NELL1: variants seen among roughly 807,000 people sequenced by gnomAD.
NELL1 encodes the protein neural EGFL like 1.
Under a neutral mutation model 107.4 loss-of-function variants are expected in NELL1, and 76 were observed. That is an observed-to-expected ratio of 0.71 (90% confidence interval 0.59 to 0.86). The LOEUF (loss-of-function observed/expected upper bound fraction) is 0.86, where lower values mean the gene tolerates loss of function less well. Ranked by LOEUF, NELL1 falls within the 40% of genes least tolerant of loss-of-function variation. The pLI is 0.00. For missense variants in NELL1, 1,024 were observed against 1,005.5 expected (o/e 1.02, Z -0.25); for synonymous variants, 353 against 341.2 (o/e 1.03, Z -0.38).
At chr11:21,508,998 A>G (rs538484750) in intron 15 of NELL1, among the ~76,000 whole-genome samples, 9 of 152,298 alleles carry the variant, frequency 5.9e-5, no homozygotes, top group East Asian at 1.9e-4. Flanking sequence ...CAGAAGCTAC[A>G]TGATTGGAGA....
chr11:21,187,987 G>A (rs1013917903), intron 13 of NELL1, among the ~76,000 whole-genome samples: 1 of 151,764 alleles, frequency 6.6e-6, no homozygotes, highest in African/African-American at 2.4e-5. Context: ...CTGTTTCAAA[G>A]GGTGTCTATG....
intron 13 of NELL1, among the ~76,000 whole-genome samples, chr11:21,122,286 G>C (rs909366872): frequency 1.5e-4 from 23 of 152,254 alleles, no homozygotes; most frequent in Non-Finnish European, 2.2e-4. Context: ...TCACAATAAG[G>C]CTTTCTCATA....
chr11:21,508,004 ACTC>A (rs1855334149), intron 15 of NELL1, among the ~76,000 whole-genome samples: 1 of 151,008 alleles, frequency 6.6e-6, no homozygotes. Flanking sequence ...CTGGTCTTGA[ACTC>A]CTGACCTCGT....
At chr11:21,243,647 A>G (rs1858419552) in intron 14 of NELL1, among the ~76,000 whole-genome samples, 1 of 152,136 alleles carries the variant, frequency 6.6e-6, no homozygotes, top group African/African-American at 2.4e-5. Context: ...GCTCTAGAAC[A>G]GTACTGTTCA....
chr11:20,945,325 C>G (rs906449163), intron 10 of NELL1, among the ~76,000 whole-genome samples: 1 of 152,244 alleles, frequency 6.6e-6, no homozygotes, highest in Non-Finnish European at 1.5e-5. Context: ...GAGATTGTCT[C>G]TCTTCGAGGT....
intron 2 of NELL1, among the ~76,000 whole-genome samples, chr11:20,730,755 T>C (rs368405700): frequency 3.9e-5 from 6 of 152,182 alleles, no homozygotes; most frequent in African/African-American, 1.4e-4. Flanking sequence ...AGACTGAGGA[T>C]GGCATGCTTC....
At chr11:20,930,144 C>T (rs868320958) in intron 9 of NELL1, among the ~76,000 whole-genome samples, 4 of 152,018 alleles carry the variant, frequency 2.6e-5, no homozygotes, top group East Asian at 1.9e-4. Flanking sequence ...AACTTTTTGA[C>T]GTTTTTTTAA....
At chr11:21,445,094 T>C (rs1458576847) in intron 15 of NELL1, among the ~76,000 whole-genome samples, 1 of 152,178 alleles carries the variant, frequency 6.6e-6, no homozygotes, top group Non-Finnish European at 1.5e-5. Flanking sequence ...TAACGTCTTA[T>C]TGTTTGTATT....
intron 14 of NELL1, among the ~76,000 whole-genome samples, chr11:21,365,392 C>G (rs549991043): frequency 1.3e-5 from 2 of 152,154 alleles, no homozygotes; most frequent in Non-Finnish European, 2.9e-5. Context: ...ACTTATTTAG[C>G]TTATCTAAGC....
At chr11:21,062,990 G>A (rs1333989695) in intron 12 of NELL1, among the ~76,000 whole-genome samples, 1 of 148,680 alleles carries the variant, frequency 6.7e-6, no homozygotes, top group African/African-American at 2.4e-5. Flanking sequence ...ACCAAGCCCA[G>A]CTAATGTGTG....
intron 10 of NELL1, among the ~76,000 whole-genome samples, chr11:20,942,968 G>A (rs925475096): frequency 1.3e-5 from 2 of 152,072 alleles, no homozygotes; most frequent in Non-Finnish European, 2.9e-5. Context: ...TATGGGCATG[G>A]ATTTGAATGC....
At position 20,719,685 on chromosome 11, in the gene NELL1, C is replaced by T. The variant is rs901526065; in HGVS notation, c.184+41625C>T. On this transcript the variant is annotated intron_variant, in intron 2 of 19. Transcript: ENST00000357134. ...AAACTCTGTCAGTCCACTCTTTACCCATAGAGGTTGGAAGCATGAGGATTA... is the reference window on the plus strand; with the variant it reads ...AAACTCTGTCAGTCCACTCTTTACCTATAGAGGTTGGAAGCATGAGGATTA... 5.9e-5 allele frequency among the ~76,000 whole-genome samples: 9 copies of T among 152,142 alleles called. No individual in the cohort carries two copies. In the South Asian group the frequency reaches 1.9e-3, roughly 32 times the overall value.
chr11:20,768,467 A>G (rs150507918), intron 2 of NELL1, among the ~76,000 whole-genome samples: 1 of 152,376 alleles, frequency 6.6e-6, no homozygotes, highest in Admixed American at 6.5e-5. Flanking sequence ...CATAATGGGC[A>G]GTGTGGAGAG....
intron 15 of NELL1, among the ~76,000 whole-genome samples, chr11:21,477,540 C>T (rs1337200125): frequency 2.0e-5 from 3 of 152,106 alleles, no homozygotes; most frequent in Admixed American, 1.3e-4. Flanking sequence ...TAGACCACAA[C>T]ACCCCAGTCC....
intron 14 of NELL1, among the ~76,000 whole-genome samples, chr11:21,231,085 A>C (rs1465420286): frequency 1.3e-5 from 2 of 152,200 alleles, no homozygotes; most frequent in Non-Finnish European, 2.9e-5. Flanking sequence ...AAACATTTGT[A>C]TGTACACGCA....
At chr11:21,385,041 C>G (rs1851708099) in intron 15 of NELL1, among the ~76,000 whole-genome samples, 1 of 151,874 alleles carries the variant, frequency 6.6e-6, no homozygotes, top group Non-Finnish European at 1.5e-5. Context: ...TGTCGCCTCC[C>G]TCCTATGAAA....
intron 5 of NELL1, among the ~76,000 whole-genome samples, chr11:20,895,232 A>ACT (rs1849703183): frequency 9.2e-6 from 1 of 108,666 alleles, no homozygotes; most frequent in Non-Finnish European, 1.7e-5. Context: ...AGATCCCGCC[A>ACT]CTGCACTCCA....
intron 7 of NELL1, among the ~76,000 whole-genome samples, chr11:20,923,354 T>C (rs1850422114): frequency 6.6e-6 from 1 of 152,184 alleles, no homozygotes; most frequent in African/African-American, 2.4e-5. Flanking sequence ...CACATTCAGG[T>C]GACAGAGGTC....
intron 13 of NELL1, among the ~76,000 whole-genome samples, chr11:21,187,955 A>G (rs1297624063): frequency 6.6e-6 from 1 of 151,858 alleles, no homozygotes; most frequent in Non-Finnish European, 1.5e-5. Context: ...TTTCTGTATA[A>G]TAGGCAGGTA....
Sources: gnomAD v4.1 joint callset for allele counts (sites outside exome capture counted in the v4.1 genomes callset) on GRCh38, gnomAD v4.1.1 for gene constraint, MANE v1.5 for transcripts, NCBI Gene and HGNC (gene_info 2026-07-23, HGNC 2026-07-21) for gene names.